The following NMT2 variants were observed in gnomAD, a reference collection of about 807,000 sequenced individuals.
The protein encoded by NMT2 is glycylpeptide N-tetradecanoyltransferase 2.
A neutral mutation model predicts 65.4 loss-of-function variants in NMT2; 35 were observed. The ratio of observed to expected loss-of-function variants is 0.54; its 90% CI spans 0.41 to 0.71. The LOEUF is 0.71. Ranked by LOEUF, NMT2 falls within the 30% of genes least tolerant of loss-of-function variation. NMT2 has a pLI of 0.00. For synonymous variants in NMT2, 226 were observed against 231.8 expected (o/e 0.98, Z 0.23); for missense variants, 489 against 611.3 (o/e 0.80, Z 2.11).
At chr10:15,160,743 CA>C (rs1398272083) in intron 1 of NMT2, among the ~76,000 whole-genome samples, 6 of 152,028 alleles carry the variant, frequency 3.9e-5, no homozygotes, top group African/African-American at 9.7e-5. Context: ...CACTGCACTC[CA>C]GCCTGGGCAA....
At chr10:15,148,587 G>A (rs1847040626) in intron 1 of NMT2, among the ~76,000 whole-genome samples, 1 of 152,150 alleles carries the variant, frequency 6.6e-6, no homozygotes, top group Non-Finnish European at 1.5e-5. Context: ...ATAGTAGCTG[G>A]CACACAGAAA....
intron 1 of NMT2, among the ~76,000 whole-genome samples, chr10:15,167,435 C>G (rs551179246): frequency 2.6e-5 from 4 of 152,208 alleles, no homozygotes; most frequent in African/African-American, 9.7e-5. Context: ...TCTCTACGAA[C>G]TGAGTAAACC....
At chr10:15,155,104 C>T (rs1485689152) in intron 1 of NMT2, 3 of 1,439,324 alleles carry the variant, frequency 2.1e-6, no homozygotes, top group Non-Finnish European at 2.9e-6. Flanking sequence ...GACTTGCCAC[C>T]AGTGCCATTA....
intron 1 of NMT2, chr10:15,154,779 TA>T: frequency 2.8e-6 from 2 of 705,384 alleles, no homozygotes; most frequent in Non-Finnish European, 5.1e-6. Flanking sequence ...GTGGTTAAGA[TA>T]AAACACAAGT....
intron 1 of NMT2, among the ~76,000 whole-genome samples, chr10:15,165,653 A>G (rs948940086): frequency 6.6e-6 from 1 of 152,120 alleles, no homozygotes; most frequent in Non-Finnish European, 1.5e-5. Context: ...CGAGGCAAGC[A>G]TATCACCTAA....
chr10:15,135,384 A>T lies in NMT2; in HGVS notation c.281T>A (p.Ile94Asn), dbSNP rs1439832609. ...PSVPMQKLQD[I>N]QRAMELLSAC... is the part of the protein sequence containing the mutation. ...GGATAGCAGCTCCATTGCTCTCTGG[A>T]TATCCTGCAACTTCTGCATTGGAAC... The change falls in exon 3 of 12, where the codon ATC becomes AAC. Residue 94 changes from isoleucine (I) to asparagine (N), a missense_variant. Ile to Asn is a moderately radical substitution (Grantham distance 149). Coordinates refer to ENST00000378165, the MANE Select transcript of NMT2 (RefSeq NM_004808.3). 1.2e-6 allele frequency: 2 copies of T among 1,614,018 alleles called. No individual in the cohort carries two copies. The highest frequency in any genetic ancestry group is 2.7e-5 in the African/African-American group (2 of 74,896).
At chr10:15,127,747 G>A (rs1386843974) in intron 8 of NMT2, among the ~76,000 whole-genome samples, 1 of 150,524 alleles carries the variant, frequency 6.6e-6, no homozygotes, top group African/African-American at 2.4e-5. Context: ...TATTAAAAAT[G>A]CAAAAATTAG....
rs1455729918 is a variant in NMT2, at chr10:15,107,442, GC to G, written c.*1752del. The G allele has an allele frequency of 1.0e-6, 1 of 985,282 alleles. No homozygotes were observed. Among genetic ancestry groups the G allele is most frequent in the African/African-American group, 1.7e-5 (1 of 57,244 alleles). 61.0% of individuals were successfully genotyped at this position (985,282 alleles called of 1,614,324 possible). On this transcript the variant is annotated 3_prime_UTR_variant, in exon 12 of 12. Coordinates refer to ENST00000378165, the MANE Select transcript of NMT2 (RefSeq NM_004808.3). ...CTTCCTAGGCACTGGCCCAGTAAAAGCAGGGAAAAGTATCTACTTTTGTTTT... is the reference window on the plus strand; with the variant it reads ...CTTCCTAGGCACTGGCCCAGTAAAAGAGGGAAAAGTATCTACTTTTGTTTT...
intron 1 of NMT2, among the ~76,000 whole-genome samples, chr10:15,163,857 C>T (rs1833283305): frequency 6.6e-6 from 1 of 152,162 alleles, no homozygotes; most frequent in Non-Finnish European, 1.5e-5. Flanking sequence ...AATACCAGAT[C>T]TTCAATCTTT....
At chr10:15,160,349 G>A (rs1362328439) in intron 1 of NMT2, among the ~76,000 whole-genome samples, 1 of 152,118 alleles carries the variant, frequency 6.6e-6, no homozygotes, top group Non-Finnish European at 1.5e-5. Flanking sequence ...GCACCCTAAG[G>A]ACACACAGGC....
intron 1 of NMT2, among the ~76,000 whole-genome samples, chr10:15,156,597 A>C (rs564936130): frequency 1.0e-3 from 159 of 152,292 alleles, no homozygotes; most frequent in African/African-American, 2.2e-3. Context: ...CGAATGTTCT[A>C]CATTAAAAAT....
At chr10:15,139,841 G>C (rs1372103638) in intron 2 of NMT2, 1 of 121,314 alleles carries the variant, frequency 8.2e-6, no homozygotes, top group Non-Finnish European at 1.7e-5. Flanking sequence ...AATCCACAAA[G>C]CTTGTAGAAT....
At chr10:15,116,402 C>T (rs998519744) in intron 9 of NMT2, among the ~76,000 whole-genome samples, 4 of 152,116 alleles carry the variant, frequency 2.6e-5, no homozygotes, top group African/African-American at 9.7e-5. Flanking sequence ...TACAACATAC[C>T]AAAATACGTC....
chr10:15,168,318 G>C, intron 1 of NMT2, 185 bp downstream of exon 1: 6 of 213,376 alleles, frequency 2.8e-5, no homozygotes, highest in East Asian at 2.5e-4. Flanking sequence ...TCGCCTCCCC[G>C]CGCACTGCAC....
At chr10:15,135,779 T>G (rs74125523) in intron 2 of NMT2, among the ~76,000 whole-genome samples, 19,022 of 149,494 alleles carry the variant, frequency 0.13, 1,810 homozygotes, top group African/African-American at 0.27. Flanking sequence ...GAGCCTTGGG[T>G]GGGGGGCACT....
In NMT2 at chr10:15,125,294, A is replaced by G. The variant is rs559972510; in HGVS notation, c.999+3056T>C. ...GCACGACTGGAACAGGACTGCTACC[A>G]GGAACCCAGGTTCACTGGAAGTAAG... On this transcript the variant is annotated intron_variant, in intron 8 of 11. Transcript: ENST00000378165. Among the ~76,000 whole-genome samples, 344 of 152,382 alleles carry G rather than the reference A, an allele frequency of 2.3e-3. 1 individual carries two copies. The highest frequency in any genetic ancestry group is 7.7e-3 in the African/African-American group (319 of 41,602).
chr10:15,167,980 C>A (rs1375178696), intron 1 of NMT2, among the ~76,000 whole-genome samples: 1 of 152,186 alleles, frequency 6.6e-6, no homozygotes, highest in Non-Finnish European at 1.5e-5. Context: ...GCCTGCGGCC[C>A]CGACACCATC....
chr10:15,116,550 C>G (rs543866873), intron 9 of NMT2, among the ~76,000 whole-genome samples: 1 of 152,054 alleles, frequency 6.6e-6, no homozygotes, highest in East Asian at 1.9e-4. Context: ...AGCAAGCAGA[C>G]AGAAGGAAAC....
chr10:15,107,452 G>A lies in NMT2; in HGVS notation c.*1743C>T. 1.0e-6 allele frequency: 1 copy of A among 985,378 alleles called. No homozygotes were observed. Among genetic ancestry groups the A allele is most frequent in the Non-Finnish European group, 1.2e-6 (1 of 829,890 alleles). 61.0% of individuals were successfully genotyped at this position (985,378 alleles called of 1,614,324 possible). On this transcript the variant is annotated 3_prime_UTR_variant, in exon 12 of 12. Coordinates refer to ENST00000378165, the MANE Select transcript of NMT2 (RefSeq NM_004808.3). ...ACTGGCCCAGTAAAAGCAGGGAAAAGTATCTACTTTTGTTTTTTGAGACGG... is the reference window on the plus strand; with the variant it reads ...ACTGGCCCAGTAAAAGCAGGGAAAAATATCTACTTTTGTTTTTTGAGACGG...
Sources: gnomAD v4.1 joint callset for allele counts (sites outside exome capture counted in the v4.1 genomes callset) on GRCh38, gnomAD v4.1.1 for gene constraint, MANE v1.5 for transcripts, NCBI Gene and HGNC (gene_info 2026-07-23, HGNC 2026-07-21) for gene names.